Variants in IMMT observed in about 807,000 individuals in gnomAD.
IMMT encodes inner membrane mitochondrial protein, also known as MICOS complex subunit MIC60.
IMMT carries 40 observed loss-of-function variants against 92.7 expected under a neutral mutation model. That is an observed-to-expected ratio of 0.43 (90% CI 0.34 to 0.56). The LOEUF (loss-of-function observed/expected upper bound fraction) is 0.56, where lower values mean the gene tolerates loss of function less well. Ranked by LOEUF, IMMT falls within the 20% of genes least tolerant of loss-of-function variation. The probability of loss-of-function intolerance (pLI) is 0.03; values close to 1 mark genes in which losing one functional copy is unlikely to be tolerated. For missense variants in IMMT, 831 were observed against 912.1 expected, an observed-to-expected ratio of 0.91 and a Z score of 1.14; for synonymous variants, 322 against 336.1, an observed-to-expected ratio of 0.96 and a Z score of 0.46.
Position 86,158,616 on chromosome 2 carries a change from C to T in IMMT, c.1138G>A (p.Val380Ile), listed in dbSNP as rs751129055. The change falls in exon 10 of 15, where the codon GTC becomes ATC. Residue 380 changes from valine to isoleucine, a missense_variant. Transcript: ENST00000410111. ...CTCATTCCTTTCCACCCAGGAAGGA[C>T]TTCTGGAGTAATACTGTCCAGCTCT... The part of the protein sequence containing the change: ...KRELDSITPE[V>I]LPGWKGMSVS... 7.5e-6 allele frequency: 12 copies of T among 1,606,338 alleles called. No individual in the cohort carries two copies. The Middle Eastern group carries it at 1.0e-3, about 134-fold the overall frequency.
Position 86,173,740 on chromosome 2 carries a change from T to C in IMMT, c.331A>G (p.Ile111Val), listed in dbSNP as rs560225034. 4.4e-6 allele frequency: 7 copies of C among 1,596,036 alleles called. No individual in the cohort carries two copies. In the African/African-American group the frequency reaches 9.4e-5, roughly 21 times the overall value. Residue 111 changes from isoleucine (I) to valine (V), a missense_variant, in exon 4 of 15, where the codon ATC (isoleucine) becomes GTC (valine). Physicochemically the swap from Ile to Val is conservative, Grantham distance 29. Transcript: ENST00000410111. The part of the protein sequence containing the change: ...KKSIQSGPLK[I>V]SSVSEVMKES... ...TTCATTACTTCTGATACACTAGAGA[T>C]TTTTAGTGGACCCGACTGAATCTTG...
intron 3 of IMMT, among the ~76,000 whole-genome samples, chr2:86,176,058 C>A (rs1238998818): frequency 1.3e-5 from 2 of 152,098 alleles, no homozygotes; most frequent in Non-Finnish European, 2.9e-5. Flanking sequence ...TGTGCAGGAC[C>A]CAGAGATAAG....
At chr2:86,166,729 C>G (rs1573911687) in intron 6 of IMMT, 85 bp from the exon 7 acceptor site, 4 of 1,281,290 alleles carry the variant, frequency 3.1e-6, no homozygotes, top group East Asian at 5.1e-5. Flanking sequence ...ATCTAGTCTT[C>G]CATTGCATTT....
intron 7 of IMMT, among the ~76,000 whole-genome samples, chr2:86,162,529 G>A (rs944837999): frequency 6.6e-6 from 1 of 151,158 alleles, no homozygotes; most frequent in South Asian, 2.1e-4. Flanking sequence ...GACTCTTACG[G>A]TATGTGAAAT....
chr2:86,162,030 A>T lies in IMMT; in HGVS notation c.842T>A (p.Leu281Ter). 1 of 1,608,190 alleles carries T rather than the reference A, an allele frequency of 6.2e-7. No homozygotes were observed. Among genetic ancestry groups the T allele is most frequent in the Non-Finnish European group, 8.5e-7 (1 of 1,177,340 alleles). ...ATCTACTGCCTTTCTGCGTTCCTTC[A>T]ATGCACCCTCCACTGTGCGCCACTG... is the stretch of plus-strand genomic sequence containing the variant. ...SAQWRTVEGALKERRKAVDEA... is the reference protein window; with the variant it reads ...SAQWRTVEGA The change falls in exon 8 of 15, where the codon TTG (leucine) becomes TAG (stop). Residue 281 changes from leucine to a stop codon, truncating the protein, a stop_gained. Transcript: ENST00000410111. LOFTEE classifies it high-confidence loss of function.
rs549457626 is a variant in IMMT at position 86,185,321 on chromosome 2, A to G, written c.46-3949T>C. Among the ~76,000 whole-genome samples, 7 of 152,280 alleles carry G rather than the reference A, an allele frequency of 4.6e-5. No individual in the cohort carries two copies. The South Asian group carries it at 1.2e-3, about 27-fold the overall frequency. On this transcript the variant is annotated intron_variant, in intron 1 of 14. Coordinates refer to ENST00000410111, the MANE Select transcript of IMMT (RefSeq NM_006839.3). ...CAAGCAAAATTTAAAGGAAATATAA[A>G]AGAGTCAGGATTTGGTGGGTTCAAA...
At position 86,171,357 on chromosome 2, in the gene IMMT, T is replaced by C. The variant is rs772545390; in HGVS notation, c.422-12A>G. 2.5e-6 allele frequency: 4 copies of C among 1,606,410 alleles called. No individual in the cohort carries two copies. In the South Asian group the frequency reaches 3.3e-5, roughly 13 times the overall value. ...CGCTTCTGTAGGTGCTATAAATATATGTTACTCATGGTATTTATACTTTCC... is the reference window on the plus strand; with the variant it reads ...CGCTTCTGTAGGTGCTATAAATATACGTTACTCATGGTATTTATACTTTCC... On this transcript the variant is annotated splice_polypyrimidine_tract_variant and intron_variant, in intron 4 of 14. Coordinates refer to ENST00000410111, the MANE Select transcript of IMMT (RefSeq NM_006839.3).
intron 1 of IMMT, chr2:86,194,960 T>G (rs1265690677): frequency 8.3e-5 from 20 of 242,128 alleles, no homozygotes. Context: ...GCTCCGCTCG[T>G]CCTGACGGGA....
rs1184072788 is a variant in IMMT, at chr2:86,166,624, C to T, written c.676G>A (p.Asp226Asn). The part of the protein sequence containing the change: ...KIESLAKSLE[D>N]ALRQTASVTL... ...ACACTTGCAGTTTGCCTCAGAGCAT[C>T]TTCTAAGCTCTTGGCTAGAGCTTAA... Residue 226 changes from aspartate (D) to asparagine (N), a missense_variant, in exon 7 of 15, where the codon GAT becomes AAT. Asp to Asn is a conservative substitution (Grantham distance 23, BLOSUM62 1). Transcript: ENST00000410111. 1 of 1,610,544 alleles carries T rather than the reference C, an allele frequency of 6.2e-7. No homozygotes were observed. The highest frequency in any genetic ancestry group is 1.7e-5 in the Admixed American group (1 of 59,436).
intron 1 of IMMT, among the ~76,000 whole-genome samples, chr2:86,189,963 TTTAG>T (rs1673016375): frequency 6.6e-6 from 1 of 152,226 alleles, no homozygotes; most frequent in African/African-American, 2.4e-5. Context: ...ACACGTGCTC[TTTAG>T]TTATAGAAAT....
rs11444972 is a variant in IMMT, at chr2:86,146,389, T to TG, written c.1534-193dup. 1.7e-3 allele frequency among the ~76,000 whole-genome samples: 257 copies of TG among 151,840 alleles called. 1 individual carries two copies. Among genetic ancestry groups the TG allele is most frequent in the Non-Finnish European group, 1.6e-3 (112 of 67,930 alleles). On this transcript the variant is annotated intron_variant, in intron 13 of 14. Transcript: ENST00000410111. ...GTATATAATATATTTTTTTTTTTTT[T>TG]GAGATGGAATCTTGCTTTATTGCCA...
intron 10 of IMMT, among the ~76,000 whole-genome samples, chr2:86,154,435 T>C (rs943024734): frequency 2.0e-5 from 3 of 152,204 alleles, no homozygotes; most frequent in African/African-American, 7.2e-5. Context: ...CCTCCCAAAG[T>C]GCTGGGATTA....
intron 1 of IMMT, among the ~76,000 whole-genome samples, chr2:86,185,106 G>A (rs1672681230): frequency 6.6e-6 from 1 of 151,986 alleles, no homozygotes; most frequent in African/African-American, 2.4e-5. Context: ...CATGAACCCG[G>A]GAGGCAGAGC....
Position 86,151,670 on chromosome 2 carries a change from A to G in IMMT, c.1178-150T>C. The G allele has an allele frequency of 1.1e-5, 7 of 656,496 alleles. No individual in the cohort carries two copies. The South Asian group carries it at 1.2e-4, about 11-fold the overall frequency. The allele number at this position is 656,496 out of a possible 1,614,324, so 40.7% of individuals were successfully genotyped here. On this transcript the variant is annotated intron_variant, in intron 11 of 14. Transcript: ENST00000410111. ...AAAGAGATTTAGATTCCCCAGTTCA[A>G]TCAGAAATTGGCTAGTGTCCAATAA...
intron 1 of IMMT, among the ~76,000 whole-genome samples, chr2:86,193,826 T>C (rs561565766): frequency 1.3e-5 from 2 of 152,334 alleles, no homozygotes; most frequent in South Asian, 4.2e-4. Flanking sequence ...TCATTTTTTA[T>C]TACCAAGTTT....
In IMMT at chr2:86,166,069, C is replaced by T. The variant is rs1002367476; in HGVS notation, c.792+439G>A. Among the ~76,000 whole-genome samples the T allele has an allele frequency of 3.3e-5, 5 of 152,336 alleles. No individual in the cohort carries two copies. The East Asian group carries it at 9.6e-4, about 29-fold the overall frequency. On this transcript the variant is annotated intron_variant, in intron 7 of 14. Coordinates refer to ENST00000410111, the MANE Select transcript of IMMT (RefSeq NM_006839.3). ...CTCTAAGGCCAAGCACAGTGGCTCA[C>T]GCCTGTAATCCCAACATTTTGGGAG...
At chr2:86,191,144 G>A (rs1258777247) in intron 1 of IMMT, among the ~76,000 whole-genome samples, 2 of 151,724 alleles carry the variant, frequency 1.3e-5, no homozygotes, top group Non-Finnish European at 2.9e-5. Context: ...CCAGGAGTTT[G>A]AGACCAGCCT....
chr2:86,163,138 A>G (rs1315485748), intron 7 of IMMT, among the ~76,000 whole-genome samples: 1 of 152,082 alleles, frequency 6.6e-6, no homozygotes, highest in Non-Finnish European at 1.5e-5. Flanking sequence ...CCTGAACAAC[A>G]TAGTGAGACC....
At chr2:86,154,748 T>TC (rs1293752721) in intron 10 of IMMT, among the ~76,000 whole-genome samples, 1 of 152,074 alleles carries the variant, frequency 6.6e-6, no homozygotes, top group African/African-American at 2.4e-5. Context: ...TTGAATGATG[T>TC]CCCCCACCAC....
Sources: gnomAD v4.1 joint callset for allele counts (sites outside exome capture counted in the v4.1 genomes callset) on GRCh38, gnomAD v4.1.1 for gene constraint, MANE v1.5 for transcripts, NCBI Gene and HGNC (gene_info 2026-07-23, HGNC 2026-07-21) for gene names.